HS2ST1: variants seen among roughly 807,000 people sequenced by gnomAD.
The protein encoded by HS2ST1 is heparan sulfate 2-O-sulfotransferase 1.
HS2ST1 carries 18 observed loss-of-function variants against 42.9 expected under a neutral mutation model. The ratio of observed to expected loss-of-function variants is 0.42; its 90% CI spans 0.29 to 0.62. HS2ST1 has a LOEUF of 0.62. HS2ST1 is among the 20% of genes least tolerant of loss of function. The pLI, the probability that HS2ST1 is intolerant of heterozygous loss-of-function variation, is 0.21. For missense variants in HS2ST1, 334 were observed against 433.8 expected, an observed-to-expected ratio of 0.77 and a Z score of 2.04; for synonymous variants, 146 against 152.9, an observed-to-expected ratio of 0.95 and a Z score of 0.33.
intron 2 of HS2ST1, among the ~76,000 whole-genome samples, chr1:87,078,111 A>T (rs1000130656): frequency 6.6e-6 from 1 of 152,248 alleles, no homozygotes; most frequent in African/African-American, 2.4e-5. Context: ...TACTCAAGTT[A>T]ATAGTAGCAT....
chr1:86,923,234 G>A (rs369187717), intron 1 of HS2ST1, among the ~76,000 whole-genome samples: 1 of 151,994 alleles, frequency 6.6e-6, no homozygotes, highest in African/African-American at 2.4e-5. Context: ...GTATTAGCCC[G>A]TTTTGACGCC....
chr1:87,011,203 GT>G (rs1392449179), intron 1 of HS2ST1, among the ~76,000 whole-genome samples: 1 of 152,068 alleles, frequency 6.6e-6, no homozygotes, highest in Non-Finnish European at 1.5e-5. Flanking sequence ...GTTCCATTAT[GT>G]TTTTGTTCAG....
intron 2 of HS2ST1, among the ~76,000 whole-genome samples, chr1:87,081,789 C>T (rs888825618): frequency 3.3e-5 from 5 of 151,654 alleles, no homozygotes; most frequent in African/African-American, 9.7e-5. Context: ...AGATCGAGAC[C>T]GTCCTGGCCA....
intron 4 of HS2ST1, among the ~76,000 whole-genome samples, chr1:87,097,590 C>T (rs1652099007): frequency 6.6e-6 from 1 of 152,066 alleles, no homozygotes; most frequent in African/African-American, 2.4e-5. Flanking sequence ...GATGGGGTTT[C>T]ACCATGTTAA....
At chr1:87,065,442 G>A (rs2100627452) in intron 1 of HS2ST1, among the ~76,000 whole-genome samples, 1 of 152,212 alleles carries the variant, frequency 6.6e-6, no homozygotes, top group Admixed American at 6.5e-5. Flanking sequence ...ATTTCTACTT[G>A]CCTTTGATCT....
intron 1 of HS2ST1, among the ~76,000 whole-genome samples, chr1:86,940,928 A>G (rs1173791785): frequency 1.3e-5 from 2 of 152,184 alleles, no homozygotes; most frequent in East Asian, 1.9e-4. Flanking sequence ...TGGGAGGTGC[A>G]GTCGGGTGAG....
At chr1:86,989,295 A>G (rs772624270) in intron 1 of HS2ST1, among the ~76,000 whole-genome samples, 43 of 152,382 alleles carry the variant, frequency 2.8e-4, no homozygotes, top group Non-Finnish European at 5.6e-4. Context: ...CCTGGACTCC[A>G]CAAGGATAGC....
chr1:87,045,957 C>G, intron 1 of HS2ST1: 1 of 721,006 alleles, frequency 1.4e-6, no homozygotes, highest in East Asian at 3.3e-5. Context: ...ATGTCAGCAA[C>G]CTCAACAGTT....
chr1:87,083,966 T>G (rs182812187), intron 2 of HS2ST1, among the ~76,000 whole-genome samples: 1 of 152,320 alleles, frequency 6.6e-6, no homozygotes. Flanking sequence ...TGTGCCATTT[T>G]GTTTTCAGAA....
intron 1 of HS2ST1, among the ~76,000 whole-genome samples, chr1:86,969,316 C>T (rs1463521458): frequency 6.6e-6 from 1 of 152,152 alleles, no homozygotes; most frequent in Non-Finnish European, 1.5e-5. Flanking sequence ...CCTTTTCTTT[C>T]TGAAGCACAC....
intron 1 of HS2ST1, among the ~76,000 whole-genome samples, chr1:87,052,622 T>C (rs993763053): frequency 6.6e-6 from 1 of 152,110 alleles, no homozygotes. Flanking sequence ...TTAGGAGACG[T>C]AGTGGTTGGT....
intron 1 of HS2ST1, among the ~76,000 whole-genome samples, chr1:86,972,434 C>G (rs1476926426): frequency 1.3e-5 from 2 of 152,076 alleles, no homozygotes; most frequent in African/African-American, 4.8e-5. Flanking sequence ...TCACTGTAGC[C>G]TTGAACTCTA....
chr1:87,084,305 A>T lies in HS2ST1; in HGVS notation c.449+26A>T, dbSNP rs777398975. The T allele has an allele frequency of 2.3e-6, 3 of 1,299,486 alleles. No homozygotes were observed. In the East Asian group the frequency reaches 6.9e-5, roughly 30 times the overall value. 80.5% of individuals were successfully genotyped at this position (1,299,486 alleles called of 1,614,324 possible). On this transcript the variant is annotated intron_variant, in intron 3 of 6. Coordinates refer to ENST00000370550, the MANE Select transcript of HS2ST1 (RefSeq NM_012262.4). ...GTAAGTTACACTGAAATGACACGCT[A>T]AAGAATGCTTTGTACTCTAGTAACC...
intron 1 of HS2ST1, chr1:86,992,973 T>A (rs1471444653): frequency 3.7e-5 from 45 of 1,216,724 alleles, no homozygotes; most frequent in Non-Finnish European, 4.9e-5. Flanking sequence ...GTTCACATTC[T>A]TCTTGGCGTC....
intron 1 of HS2ST1, among the ~76,000 whole-genome samples, chr1:87,036,847 A>G (rs989059444): frequency 6.6e-6 from 1 of 152,156 alleles, no homozygotes; most frequent in Non-Finnish European, 1.5e-5. Flanking sequence ...CAATACATGT[A>G]TTTTAAAACT....
chr1:87,067,989 G>A (rs544849618), intron 1 of HS2ST1, among the ~76,000 whole-genome samples: 36 of 152,268 alleles, frequency 2.4e-4, no homozygotes, highest in African/African-American at 8.7e-4. Context: ...ATAGTTTGAA[G>A]TCGGTAGCGT....
intron 5 of HS2ST1, among the ~76,000 whole-genome samples, chr1:87,100,027 C>T (rs1652162109): frequency 6.6e-6 from 1 of 152,228 alleles, no homozygotes; most frequent in Admixed American, 6.5e-5. Flanking sequence ...CATGGCTGCT[C>T]TCATGGGTTG....
intron 1 of HS2ST1, among the ~76,000 whole-genome samples, chr1:87,012,164 C>T (rs1438299030): frequency 2.0e-5 from 3 of 152,056 alleles, no homozygotes; most frequent in East Asian, 3.8e-4. Context: ...TCACCTTTTT[C>T]TAGCACTTTT....
intron 1 of HS2ST1, among the ~76,000 whole-genome samples, chr1:87,016,434 C>T (rs979718159): frequency 1.3e-5 from 2 of 152,102 alleles, no homozygotes; most frequent in East Asian, 3.8e-4. Flanking sequence ...ATTCTTTACC[C>T]TTTCTTGCTT....
Sources: allele counts gnomAD v4.1 joint callset (sites outside exome capture counted in the v4.1 genomes callset), GRCh38; gene constraint gnomAD v4.1.1; transcripts MANE v1.5; gene names NCBI Gene and HGNC (gene_info 2026-07-23, HGNC 2026-07-21).